PGM1: variants seen among roughly 807,000 people sequenced by gnomAD.
PGM1 encodes the protein phosphoglucomutase 1.
PGM1 carries 52 observed loss-of-function variants against 55.6 expected under a neutral mutation model. That is an observed-to-expected ratio of 0.94 (90% CI 0.75 to 1.18). PGM1 has a LOEUF of 1.18. PGM1 is among the 50% of genes most tolerant of loss of function. PGM1 has a pLI of 0.00. For synonymous variants in PGM1, 287 were observed against 271.7 expected, an observed-to-expected ratio of 1.06 and a Z score of -0.55; for missense variants, 724 against 729.3, an observed-to-expected ratio of 0.99 and a Z score of 0.08.
At chr1:63,597,567 C>T (rs929496670) in intron 1 of PGM1, among the ~76,000 whole-genome samples, 5 of 152,212 alleles carry the variant, frequency 3.3e-5, no homozygotes, top group East Asian at 1.9e-4. Context: ...AGAGGGGTTC[C>T]GTGTTAGTCA....
At chr1:63,633,866 CTGTGTGTGTGTGTGTGTGTG>C (rs58094821) in intron 4 of PGM1, among the ~76,000 whole-genome samples, 2,321 of 73,438 alleles carry the variant, frequency 0.032, 257 homozygotes, top group African/African-American at 0.066. Context: ...GTCTGTGTCT[CTGTGTGTGTGTGTGTGTGTG>C]TGTGTGTGTG....
intron 1 of PGM1, among the ~76,000 whole-genome samples, chr1:63,607,983 G>C (rs887526164): frequency 1.3e-5 from 2 of 152,218 alleles, no homozygotes; most frequent in Non-Finnish European, 2.9e-5. Flanking sequence ...CAAAGGATGA[G>C]ATTTGTCATG....
Position 63,654,415 on chromosome 1 carries a change from G to C in PGM1, c.1548G>C (p.Leu516=). 1 of 1,614,070 alleles carries C rather than the reference G, an allele frequency of 6.2e-7. No individual in the cohort carries two copies. Among genetic ancestry groups the C allele is most frequent in the African/African-American group, 1.3e-5 (1 of 75,048 alleles). The part of the protein sequence containing the change: ...GTGSAGATIR[L]YIDSYEKDVA... ...GGAGTGCCGGGGCCACCATTCGGCTGTACATCGATAGCTATGAGAAGGACG... is the reference window on the plus strand; with the variant it reads ...GGAGTGCCGGGGCCACCATTCGGCTCTACATCGATAGCTATGAGAAGGACG... Residue 516 remains leucine (L), a synonymous_variant, in exon 10 of 11, where the codon CTG becomes CTC. Transcript: ENST00000371084.
At chr1:63,605,580 T>G (rs2100961103) in intron 1 of PGM1, among the ~76,000 whole-genome samples, 1 of 152,126 alleles carries the variant, frequency 6.6e-6, no homozygotes, top group South Asian at 2.1e-4. Context: ...TTATTATTTA[T>G]TATTTTTATT....
chr1:63,626,652 T>C (rs1247488669), intron 1 of PGM1, among the ~76,000 whole-genome samples: 2 of 152,096 alleles, frequency 1.3e-5, no homozygotes, highest in Non-Finnish European at 2.9e-5. Context: ...GTCCTTCCAA[T>C]CACATCCATA....
At chr1:63,617,723 C>T (rs568843971) in intron 1 of PGM1, among the ~76,000 whole-genome samples, 71 of 123,422 alleles carry the variant, frequency 5.8e-4, no homozygotes, top group African/African-American at 2.3e-3. Flanking sequence ...GTGACTCTGC[C>T]TCCCCACAAA....
intron 1 of PGM1, among the ~76,000 whole-genome samples, chr1:63,628,121 G>C (rs1649088776): frequency 6.6e-6 from 1 of 152,140 alleles, no homozygotes; most frequent in African/African-American, 2.4e-5. Flanking sequence ...GCAAATGTGG[G>C]AATGGATCAA....
At chr1:63,601,459 G>A (rs149492283) in intron 1 of PGM1, among the ~76,000 whole-genome samples, 78 of 152,322 alleles carry the variant, frequency 5.1e-4, no homozygotes, top group Admixed American at 6.5e-4. Flanking sequence ...AGAAAGTGAA[G>A]CAGGAAAGTT....
rs1649898377 is a variant in PGM1, at chr1:63,654,315, CT to C, written c.1465-16del. The C allele has an allele frequency of 6.2e-7, 1 of 1,613,364 alleles. No homozygotes were observed. The highest frequency in any genetic ancestry group is 1.3e-5 in the African/African-American group (1 of 74,928). On this transcript the variant is annotated splice_polypyrimidine_tract_variant and intron_variant, in intron 9 of 10. Transcript: ENST00000371084. ...TCCCAGCATTTGGGGAAAAAAATCT[CT>C]GCTTATCTTTTCCAGGGCTTGCGCC...
chr1:63,596,254 CTTTTTTTTTTTTT>C (rs531673796), intron 1 of PGM1, among the ~76,000 whole-genome samples: 3 of 111,330 alleles, frequency 2.7e-5, no homozygotes, highest in Non-Finnish European at 5.4e-5. Context: ...TTTTCTTCTT[CTTTTTTTTTTTTT>C]TTTTTTTTTG....
At chr1:63,651,467 C>G (rs2101000843) in intron 8 of PGM1, 1 of 576,316 alleles carries the variant, frequency 1.7e-6, no homozygotes, top group Admixed American at 3.0e-5. Flanking sequence ...TAACCCTTCC[C>G]TGAAATCCTC....
intron 7 of PGM1, among the ~76,000 whole-genome samples, chr1:63,645,602 T>C (rs1359137356): frequency 6.6e-6 from 1 of 152,192 alleles, no homozygotes; most frequent in Admixed American, 6.5e-5. Flanking sequence ...CAAATAAAAG[T>C]CTAAAGATAG....
intron 7 of PGM1, among the ~76,000 whole-genome samples, chr1:63,643,791 C>T (rs1649582574): frequency 6.6e-6 from 1 of 152,142 alleles, no homozygotes; most frequent in South Asian, 2.1e-4. Context: ...GGTAGAAGCA[C>T]AGAGGGCATG....
intron 1 of PGM1, among the ~76,000 whole-genome samples, chr1:63,614,149 A>C (rs1156948496): frequency 6.6e-6 from 1 of 152,216 alleles, no homozygotes; most frequent in Non-Finnish European, 1.5e-5. Flanking sequence ...GATCTCATAT[A>C]GTCTTTTCAA....
chr1:63,647,259 CATAT>C (rs55760196), intron 7 of PGM1, among the ~76,000 whole-genome samples: 110 of 55,284 alleles, frequency 2.0e-3, no homozygotes, highest in South Asian at 0.011. Context: ...TAAAATTTTA[CATAT>C]ATATATATAT....
chr1:63,633,906 GTGTGTGTGTGTGTATA>G lies in PGM1; in HGVS notation c.683-921_683-906del, dbSNP rs1228940310. On this transcript the variant is annotated intron_variant, in intron 4 of 10. Coordinates refer to ENST00000371084, the MANE Select transcript of PGM1 (RefSeq NM_002633.3). ...TGTGTGTGTGTGTGTGTGTGTGTGT[GTGTGTGTGTGTGTATA>G]TATATATATATTTTTTTTTTTTTTT... 1.2e-3 allele frequency among the ~76,000 whole-genome samples: 44 copies of G among 35,344 alleles called. 1 individual carries two copies. The highest frequency in any genetic ancestry group is 3.5e-3 in the African/African-American group (22 of 6,344). 23.2% of individuals were successfully genotyped at this position (35,344 alleles called of 152,430 possible). A position where few individuals can be genotyped will look rare whatever the true frequency, so the allele number is the denominator to read the frequency against.
intron 7 of PGM1, among the ~76,000 whole-genome samples, chr1:63,641,562 A>G (rs1387156019): frequency 3.3e-5 from 5 of 152,234 alleles, no homozygotes; most frequent in Non-Finnish European, 7.3e-5. Flanking sequence ...TTAATTGAGC[A>G]CAGAGTGCTT....
intron 10 of PGM1, among the ~76,000 whole-genome samples, chr1:63,658,309 C>A (rs1650018693): frequency 6.7e-6 from 1 of 148,604 alleles, no homozygotes; most frequent in Non-Finnish European, 1.5e-5. Flanking sequence ...TATCAGTTTT[C>A]TCATCTGTAA....
intron 1 of PGM1, among the ~76,000 whole-genome samples, chr1:63,600,611 AG>A (rs1329427407): frequency 1.3e-5 from 2 of 152,234 alleles, no homozygotes; most frequent in Non-Finnish European, 2.9e-5. Flanking sequence ...GGACAGCATT[AG>A]AGGATGGGCT....
Sources: allele counts gnomAD v4.1 joint callset (sites outside exome capture counted in the v4.1 genomes callset), GRCh38; gene constraint gnomAD v4.1.1; transcripts MANE v1.5; gene names NCBI Gene and HGNC (gene_info 2026-07-23, HGNC 2026-07-21).